The following ABR variants were observed in gnomAD, a reference collection of about 807,000 sequenced individuals.
ABR encodes ABR activator of RhoGEF and GTPase, also known as active breakpoint cluster region-related protein.
Under a neutral mutation model 107.2 loss-of-function variants are expected in ABR, and 35 were observed. The observed-to-expected ratio is 0.33, with a 90% CI of 0.25 to 0.43. The LOEUF (loss-of-function observed/expected upper bound fraction) is 0.43. Ranked by LOEUF, ABR falls within the 20% of genes least tolerant of loss-of-function variation. ABR has a pLI of 1.00. For missense variants in ABR, 815 were observed against 1,115.2 expected, an observed-to-expected ratio of 0.73 and a Z score of 3.83; for synonymous variants, 498 against 462.0, an observed-to-expected ratio of 1.08 and a Z score of -1.00.
At chr17:1,090,396 G>C (rs374151101) in intron 4 of ABR, among the ~76,000 whole-genome samples, 3 of 152,316 alleles carry the variant, frequency 2.0e-5, no homozygotes, top group African/African-American at 7.2e-5. Flanking sequence ...AAGGAGAGGT[G>C]GGGGTGGGAG....
At chr17:1,188,549 C>CA (rs71148442), upstream of ABR, among the ~76,000 whole-genome samples, 3,434 of 142,170 alleles carry the variant, frequency 0.024, 134 homozygotes, top group African/African-American at 0.082. Flanking sequence ...GACTCCGTCT[C>CA]AAAAAAAAAA....
At chr17:1,013,862 AG>A (rs2070880150) in intron 16 of ABR, among the ~76,000 whole-genome samples, 1 of 152,200 alleles carries the variant, frequency 6.6e-6, no homozygotes. Flanking sequence ...GGGAGGTCAG[AG>A]GCAACCCTCA....
intron 1 of ABR, among the ~76,000 whole-genome samples, chr17:1,127,050 C>T (rs80286682): frequency 1.6e-4 from 24 of 152,328 alleles, no homozygotes; most frequent in African/African-American, 5.8e-4. Context: ...GACGCCTGGC[C>T]GTGGCCACAC....
At position 1,085,288 on chromosome 17, in the gene ABR, A is replaced by AT. The variant is rs573052894; in HGVS notation, c.532-1662dup. On this transcript the variant is annotated intron_variant, in intron 4 of 22. Transcript: ENST00000302538. ...CCACCACGCCAGGCTAATTTTTTGT[A>AT]TTTTTTTTTAGTAGAGACGGGGTTT... 1.6e-4 allele frequency among the ~76,000 whole-genome samples: 23 copies of AT among 144,888 alleles called. No individual in the cohort carries two copies. In the East Asian group the frequency reaches 2.9e-3, roughly 18 times the overall value.
intron 6 of ABR, among the ~76,000 whole-genome samples, chr17:1,076,735 G>GT (rs1236719579): frequency 7.3e-6 from 1 of 137,580 alleles, no homozygotes; most frequent in Non-Finnish European, 1.5e-5. Context: ...GGGGTGGGGG[G>GT]GGTGGCGGCA....
At chr17:1,068,525 G>A (rs2034949506) in intron 9 of ABR, among the ~76,000 whole-genome samples, 1 of 152,246 alleles carries the variant, frequency 6.6e-6, no homozygotes, top group Non-Finnish European at 1.5e-5. Context: ...ACACGGGTTT[G>A]AATCCAGACT....
chr17:1,109,678 C>G (rs1405055963), intron 2 of ABR, among the ~76,000 whole-genome samples: 1 of 151,922 alleles, frequency 6.6e-6, no homozygotes, highest in Non-Finnish European at 1.5e-5. Context: ...AGCCCCCTTC[C>G]GGAGGGGAGG....
chr17:1,191,517 C>T (rs1290326707), upstream of ABR, among the ~76,000 whole-genome samples: 1 of 151,912 alleles, frequency 6.6e-6, no homozygotes, highest in Non-Finnish European at 1.5e-5. Flanking sequence ...GCCACCATGC[C>T]CAGCAATTTT....
intron 3 of ABR, among the ~76,000 whole-genome samples, chr17:1,096,057 A>T (rs990685234): frequency 2.0e-5 from 3 of 152,134 alleles, no homozygotes; most frequent in African/African-American, 7.2e-5. Flanking sequence ...CTCAGTTCCC[A>T]GTGTCAAGGA....
upstream of ABR, among the ~76,000 whole-genome samples, chr17:1,189,000 T>C (rs1357871914): frequency 4.6e-5 from 7 of 152,156 alleles, no homozygotes; most frequent in South Asian, 2.1e-4. Context: ...ACCTCGTGAC[T>C]CCTAATTTCC....
At position 1,050,014 on chromosome 17, in the gene ABR, G is replaced by A; in HGVS notation, c.1791+36C>T. On this transcript the variant is annotated intron_variant, in intron 16 of 22. Transcript: ENST00000302538. This position sits in a 1 kb window ranked among gnomAD's most constrained non-coding sequence, Gnocchi z 4.6. ...TTTTCAACTGGAACCACCTCCTGGA[G>A]GCTCCCTCAGCCTCGCCCCGGCGCC... 6.3e-7 allele frequency: 1 copy of A among 1,594,044 alleles called. No individual in the cohort carries two copies. Among genetic ancestry groups the A allele is most frequent in the Non-Finnish European group, 8.5e-7 (1 of 1,172,390 alleles).
chr17:1,095,409 G>A (rs1275205707), intron 3 of ABR, among the ~76,000 whole-genome samples: 6 of 152,206 alleles, frequency 3.9e-5, no homozygotes, highest in African/African-American at 1.4e-4. Context: ...GGACAGGGCT[G>A]GGTGTGTGCC....
rs190406085 is a variant in ABR at position 1,218,317 on chromosome 17, G to A, written c.838+10476C>T. On this transcript the variant is annotated intron_variant, in intron 1 of 22. Transcript: ENST00000574139. ...CCAAACCCAGTTTCTCTGATTCAAAGCCAGGCTCTTAACCTTACTTGGTAC... is the reference window on the plus strand; with the variant it reads ...CCAAACCCAGTTTCTCTGATTCAAAACCAGGCTCTTAACCTTACTTGGTAC... Among the ~76,000 whole-genome samples the A allele has an allele frequency of 2.0e-5, 3 of 152,346 alleles. No homozygotes were observed. In the East Asian group the frequency reaches 5.8e-4, roughly 29 times the overall value.
At chr17:1,118,518 G>A (rs1367071719) in intron 2 of ABR, among the ~76,000 whole-genome samples, 1 of 8,856 alleles carries the variant, frequency 1.1e-4, no homozygotes, top group African/African-American at 3.5e-4. Context: ...TCCTCCCAGC[G>A]TTATCCCTGA....
chr17:1,059,921 G>A (rs1161858533), intron 10 of ABR, among the ~76,000 whole-genome samples: 1 of 152,284 alleles, frequency 6.6e-6, no homozygotes, highest in East Asian at 1.9e-4. Context: ...AGCTTTTTCA[G>A]AGGTAAAAGC....
chr17:1,186,080 G>A (rs550167464), intron 1 of ABR, among the ~76,000 whole-genome samples: 51 of 152,200 alleles, frequency 3.4e-4, no homozygotes, highest in African/African-American at 9.6e-4. Flanking sequence ...CAGGTGATCC[G>A]CCCGCCTCCA....
intron 2 of ABR, among the ~76,000 whole-genome samples, chr17:1,117,837 G>A (rs1490335460): frequency 4.7e-5 from 4 of 84,272 alleles, no homozygotes; most frequent in Non-Finnish European, 9.0e-5. Context: ...CCCTGAGCCT[G>A]AGTCCCTCCC....
chr17:1,080,831 C>T (rs922937014), intron 5 of ABR, among the ~76,000 whole-genome samples: 1 of 152,132 alleles, frequency 6.6e-6, no homozygotes, highest in Non-Finnish European at 1.5e-5. Context: ...TCCCAGATTT[C>T]GGGAATGTTT....
intron 1 of ABR, among the ~76,000 whole-genome samples, chr17:1,169,996 G>GTT (rs1555611504): frequency 8.5e-6 from 1 of 117,322 alleles, no homozygotes; most frequent in Admixed American, 1.2e-4. Flanking sequence ...TTGTGTTTGT[G>GTT]TGTGTGTGTG....
Sources: allele counts gnomAD v4.1 joint callset (sites outside exome capture counted in the v4.1 genomes callset), GRCh38; gene constraint gnomAD v4.1.1; non-coding constraint Gnocchi (gnomAD v3.1); transcripts MANE v1.5; gene names NCBI Gene and HGNC (gene_info 2026-07-23, HGNC 2026-07-21).